UMOD: variants seen among roughly 807,000 people sequenced by gnomAD.
The protein encoded by UMOD is uromodulin.
UMOD carries 64 observed loss-of-function variants against 66.0 expected under a neutral mutation model. The observed-to-expected ratio is 0.97, with a 90% confidence interval of 0.79 to 1.19. The LOEUF is 1.19. Ranked by LOEUF, UMOD falls within the 50% of genes most tolerant of loss-of-function variation. The pLI, the probability that UMOD is intolerant of heterozygous loss-of-function variation, is 0.00. For missense variants in UMOD, 764 were observed against 850.9 expected (o/e 0.90, Z 1.27); for synonymous variants, 398 against 352.7 (o/e 1.13, Z -1.44).
chr16:20,336,790 G>A (rs1217680673), intron 8 of UMOD, 63 bp from the exon 9 acceptor site: 11 of 1,491,858 alleles, frequency 7.4e-6, no homozygotes, highest in South Asian at 4.6e-5. Context: ...GTTCTGCCAC[G>A]TGGAGTGGAC....
In UMOD at chr16:20,346,308, C is replaced by T; in HGVS notation, c.1000G>A (p.Glu334Lys). 6.2e-7 allele frequency: 1 copy of T among 1,614,254 alleles called. No homozygotes were observed. The highest frequency in any genetic ancestry group is 1.1e-5 in the South Asian group (1 of 91,084). The change falls in exon 5 of 11, where the codon GAA becomes AAA. Residue 334 changes from glutamate (E) to lysine (K), a missense_variant. Transcript: ENST00000396138. Reference protein sequence around the residue: ...TDISLLEHRLECGANDMKVSL... With the variant: ...TDISLLEHRLKCGANDMKVSL... ...ACCTTCATGTCATTGGCCCCACATTCCAGCCTGTGCTCCAGGAGGGAGATA... is the reference window on the plus strand; with the variant it reads ...ACCTTCATGTCATTGGCCCCACATTTCAGCCTGTGCTCCAGGAGGGAGATA...
intron 10 of UMOD, among the ~76,000 whole-genome samples, chr16:20,334,624 T>C (rs1964774155): frequency 6.6e-6 from 1 of 152,118 alleles, no homozygotes; most frequent in South Asian, 2.1e-4. Context: ...TATGTGTGCA[T>C]GTGTACAGCC....
chr16:20,355,490 A>C (rs1596572252), upstream of UMOD, among the ~76,000 whole-genome samples: 1 of 144,312 alleles, frequency 6.9e-6, no homozygotes, highest in African/African-American at 2.6e-5. Flanking sequence ...TGCAACCTCC[A>C]CCTCCCAAGT....
chr16:20,354,917 GTCACTACTTGC>G, upstream of UMOD, among the ~76,000 whole-genome samples: 1 of 152,168 alleles, frequency 6.6e-6, no homozygotes, highest in Non-Finnish European at 1.5e-5. Flanking sequence ...TACACTTAGG[GTCACTACTTGC>G]TGCTTTAGAT....
intron 1 of UMOD, chr16:20,351,063 G>A (rs1449413043): frequency 5.1e-6 from 2 of 391,746 alleles, no homozygotes; most frequent in Non-Finnish European, 9.7e-6. Context: ...TCAGCACATT[G>A]CACATTTTGA....
intron 2 of UMOD, chr16:20,349,686 G>A (rs1371639064): frequency 8.8e-6 from 13 of 1,469,582 alleles, no homozygotes; most frequent in African/African-American, 1.5e-5. Flanking sequence ...ATTCAGAAAA[G>A]TAATGCGCAG....
At chr16:20,347,357 G>C (rs564311853) in intron 4 of UMOD, among the ~76,000 whole-genome samples, 1 of 152,136 alleles carries the variant, frequency 6.6e-6, no homozygotes, top group Non-Finnish European at 1.5e-5. Context: ...AGCAGGCCTC[G>C]GGCTGAGAGT....
chr16:20,337,473 T>C lies in UMOD; in HGVS notation c.1578-20A>G. The C allele has an allele frequency of 6.2e-7, 1 of 1,614,120 alleles. No individual in the cohort carries two copies. The highest frequency in any genetic ancestry group is 8.5e-7 in the Non-Finnish European group (1 of 1,179,988). On this transcript the variant is annotated intron_variant, in intron 7 of 10. Transcript: ENST00000396138. ...GGGCATCTGGGAGGGTTACACATCA[T>C]TTAATGTGGTTGGTTAAATAAAGAT...
In UMOD at chr16:20,346,152, C is replaced by A; in HGVS notation, c.1156G>T (p.Asp386Tyr). 1 of 1,614,120 alleles carries A rather than the reference C, an allele frequency of 6.2e-7. No homozygotes were observed. The highest frequency in any genetic ancestry group is 8.5e-7 in the Non-Finnish European group (1 of 1,180,040). ...GTCAACACTGTCCCACAGGGGCCAT[C>A]CCGGGCTGGGGTCACTACAGACACC... ...DWVSVVTPAR[D>Y]GPCGTVLTRN... The change falls in exon 5 of 11, where the codon GAT (aspartate) becomes TAT (tyrosine). Residue 386 changes from aspartate to tyrosine, a missense_variant. Physicochemically the swap from Asp to Tyr is radical, Grantham distance 160. Transcript: ENST00000396138.
intron 3 of UMOD, 51 bp from the exon 4 acceptor site, chr16:20,348,381 C>T (rs768622531): frequency 6.2e-7 from 1 of 1,614,174 alleles, no homozygotes; most frequent in South Asian, 1.1e-5. Context: ...CACCCCCGTC[C>T]TCTGCAGTGC....
chr16:20,350,985 G>A (rs1965861751), intron 1 of UMOD, 146 bp from the exon 2 acceptor site: 1 of 757,768 alleles, frequency 1.3e-6, no homozygotes, highest in Admixed American at 3.0e-5. Context: ...CCCTTGTTTT[G>A]CTGGGACTTT....
chr16:20,343,883 TC>T (rs1965376106), intron 6 of UMOD, 140 bp downstream of exon 6: 1 of 965,528 alleles, frequency 1.0e-6, no homozygotes, highest in Non-Finnish European at 1.6e-6. Flanking sequence ...GCTCCAGAAT[TC>T]CTGGCTCTTC....
At chr16:20,346,945 C>T (rs900374935) in intron 4 of UMOD, among the ~76,000 whole-genome samples, 1 of 152,144 alleles carries the variant, frequency 6.6e-6, no homozygotes, top group East Asian at 1.9e-4. Flanking sequence ...TACTTTCTAC[C>T]CTTTTCACAT....
rs1322587342 is a variant in UMOD, at chr16:20,348,942, C to T, written c.359G>A (p.Cys120Tyr). Residue 120 changes from cysteine to tyrosine, a missense_variant, in exon 3 of 11, where the codon TGC (cysteine) becomes TAC (tyrosine). Transcript: ENST00000396138. Reference protein sequence around the residue: ...DECAEPGLSHCHALATCVNVV... With the variant: ...DECAEPGLSHYHALATCVNVV... ...ATTGACACATGTGGCCAGGGCGTGGCAGTGGCTAAGCCCAGGCTCAGCGCA... is the reference window on the plus strand; with the variant it reads ...ATTGACACATGTGGCCAGGGCGTGGTAGTGGCTAAGCCCAGGCTCAGCGCA... The T allele has an allele frequency of 1.3e-6, 2 of 1,572,962 alleles. No homozygotes were observed. The highest frequency in any genetic ancestry group is 1.8e-5 in the Admixed American group (1 of 54,296).
At chr16:20,351,760 C>T (rs7189301) in intron 1 of UMOD, among the ~76,000 whole-genome samples, 27,546 of 151,924 alleles carry the variant, frequency 0.18, 3,033 homozygotes, top group African/African-American at 0.31. Flanking sequence ...GTGGCTCATG[C>T]CTGTAATCCC....
Position 20,335,483 on chromosome 16 carries a change from C to T in UMOD, c.1860G>A (p.Leu620=). ...QATVSRAFSS[L]GLLKVWLPLL... ...ACTGCAGAAAGGACCTGAACTTACC[C>T]AAGCTGCTAAAAGCCCTTGAGACTG... Residue 620 remains leucine, a splice_region_variant and synonymous_variant, in exon 10 of 11, where the codon TTG becomes TTA. Coordinates refer to ENST00000396138, the MANE Select transcript of UMOD (RefSeq NM_003361.4). 6.2e-7 allele frequency: 1 copy of T among 1,614,118 alleles called. No homozygotes were observed. The highest frequency in any genetic ancestry group is 2.2e-5 in the East Asian group (1 of 44,884).
chr16:20,340,490 ATAT>A (rs1567302483), intron 7 of UMOD, among the ~76,000 whole-genome samples: 36 of 149,172 alleles, frequency 2.4e-4, no homozygotes, highest in African/African-American at 6.4e-4. Flanking sequence ...ATATATATAT[ATAT>A]AATACATAAA....
At chr16:20,351,674 G>T (rs1045735831) in intron 1 of UMOD, among the ~76,000 whole-genome samples, 7 of 151,954 alleles carry the variant, frequency 4.6e-5, no homozygotes, top group African/African-American at 2.4e-5. Context: ...AAAGGCATTG[G>T]GTCCTAGAGC....
intron 9 of UMOD, among the ~76,000 whole-genome samples, chr16:20,335,934 G>T (rs1243544224): frequency 4.6e-5 from 7 of 152,188 alleles, no homozygotes; most frequent in African/African-American, 1.4e-4. Context: ...AGCTGTGCTT[G>T]TTCCTTCCTG....
Sources: allele counts gnomAD v4.1 joint callset (sites outside exome capture counted in the v4.1 genomes callset), GRCh38; gene constraint gnomAD v4.1.1; transcripts MANE v1.5; gene names NCBI Gene and HGNC (gene_info 2026-07-23, HGNC 2026-07-21).